SHPK: variants seen among roughly 807,000 people sequenced by gnomAD.
SHPK encodes carbohydrate kinase-like protein.
In SHPK, 51 loss-of-function variants were observed where a neutral mutation model predicts 46.3. The observed-to-expected ratio is 1.10, with a 90% CI of 0.88 to 1.39. The LOEUF (loss-of-function observed/expected upper bound fraction) is 1.39, where lower values mean the gene tolerates loss of function less well. Among genes scored for constraint, SHPK ranks in the 40% most tolerant of loss-of-function variants. SHPK has a pLI of 0.00. For synonymous variants in SHPK, 290 were observed against 273.9 expected (o/e 1.06, Z -0.58); for missense variants, 668 against 641.3 (o/e 1.04, Z -0.45).
intron 6 of SHPK, among the ~76,000 whole-genome samples, chr17:3,613,136 CTG>C (rs1323762914): frequency 3.3e-5 from 5 of 152,332 alleles, no homozygotes; most frequent in Admixed American, 6.5e-5. Flanking sequence ...CCAGAGGAAA[CTG>C]TACTCCAGGC....
chr17:3,616,216 GACTC>G (rs1177767480), intron 5 of SHPK, among the ~76,000 whole-genome samples: 1 of 152,130 alleles, frequency 6.6e-6, no homozygotes, highest in Non-Finnish European at 1.5e-5. Flanking sequence ...TGGACTTAGT[GACTC>G]ACTTCTAGTG....
rs2075324205 is a variant in SHPK, at chr17:3,609,667, G to C, written c.*893C>G. 1 of 152,370 alleles carries C rather than the reference G, an allele frequency of 6.6e-6. No individual in the cohort carries two copies. The highest frequency in any genetic ancestry group is 6.5e-5 in the Admixed American group (1 of 15,286). The allele number at this position is 152,370 out of a possible 1,614,324, so 9.4% of individuals were successfully genotyped here. Reference sequence around the variant, plus strand: ...ATAAACTACCTGCCCCATCTGGCAGGAGTCTGCCTGGCTGCATCCCTTCCC... The same window carrying C: ...ATAAACTACCTGCCCCATCTGGCAGCAGTCTGCCTGGCTGCATCCCTTCCC... On this transcript the variant is annotated 3_prime_UTR_variant, in exon 7 of 7. Coordinates refer to ENST00000225519, the MANE Select transcript of SHPK (RefSeq NM_013276.4).
At chr17:3,635,293 C>G (rs2075510125) in intron 1 of SHPK, among the ~76,000 whole-genome samples, 1 of 148,966 alleles carries the variant, frequency 6.7e-6, no homozygotes, top group Admixed American at 6.7e-5. Context: ...TGGAGTGCAA[C>G]GGAGCGATCT....
intron 5 of SHPK, among the ~76,000 whole-genome samples, chr17:3,617,967 TTGTC>T (rs2075378358): frequency 6.6e-6 from 1 of 152,236 alleles, no homozygotes; most frequent in South Asian, 2.1e-4. Flanking sequence ...AAAAAATGCT[TTGTC>T]TGCCCTATCA....
Position 3,610,486 on chromosome 17 carries a change from A to G in SHPK, c.*74T>C. 2 of 1,457,028 alleles carry G rather than the reference A, an allele frequency of 1.4e-6. No homozygotes were observed. Among genetic ancestry groups the G allele is most frequent in the Non-Finnish European group, 1.9e-6 (2 of 1,071,830 alleles). 90.3% of individuals were successfully genotyped at this position (1,457,028 alleles called of 1,614,324 possible). ...GTCCACTGAACGGTCCAGGGAAAGG[A>G]TGACCCACAGATGGTGTCAGGAATG... On this transcript the variant is annotated 3_prime_UTR_variant, in exon 7 of 7. Coordinates refer to ENST00000225519, the MANE Select transcript of SHPK (RefSeq NM_013276.4).
chr17:3,621,596 A>ATTCC (rs2075402585), intron 4 of SHPK, among the ~76,000 whole-genome samples, 184 bp from the exon 5 acceptor site: 1 of 80,122 alleles, frequency 1.2e-5, no homozygotes, highest in Non-Finnish European at 2.4e-5. Flanking sequence ...CCTTCTCTCC[A>ATTCC]TTCCTTCCCT....
At position 3,610,583 on chromosome 17, in the gene SHPK, G is replaced by T; in HGVS notation, c.1414C>A (p.His472Asn). The change falls in exon 7 of 7, where the codon CAC (histidine) becomes AAC (asparagine). Residue 472 changes from histidine (H) to asparagine (N), a missense_variant. By Grantham distance (68) the His-to-Asn change is moderately conservative. Coordinates refer to ENST00000225519, the MANE Select transcript of SHPK (RefSeq NM_013276.4). The part of the protein sequence containing the change: ...VGAALVMLRR[H>N]LNQKES ...GTCTAAGATTCCTTCTGGTTGAGGT[G>T]TCTCCGGAGCATGACCAGAGCTGCC... The T allele has an allele frequency of 6.2e-7, 1 of 1,602,522 alleles. No homozygotes were observed. The highest frequency in any genetic ancestry group is 8.5e-7 in the Non-Finnish European group (1 of 1,170,662).
intron 5 of SHPK, chr17:3,619,610 G>C (rs2150869569): frequency 2.5e-6 from 1 of 406,634 alleles, no homozygotes; most frequent in Non-Finnish European, 4.6e-6. Flanking sequence ...GTGTGCGCCT[G>C]TAGTCCCATC....
At chr17:3,620,857 C>T (rs185489058) in intron 5 of SHPK, among the ~76,000 whole-genome samples, 2 of 152,240 alleles carry the variant, frequency 1.3e-5, no homozygotes, top group African/African-American at 2.4e-5. Flanking sequence ...CCGCGCCCAG[C>T]CTATCCTGCA....
At chr17:3,626,177 T>A (rs224516) in intron 2 of SHPK, among the ~76,000 whole-genome samples, 3 of 152,230 alleles carry the variant, frequency 2.0e-5, no homozygotes, top group Non-Finnish European at 4.4e-5. Context: ...TTTTGCTCTG[T>A]AAGCTTTTGG....
At chr17:3,620,078 C>A (rs891343982) in intron 5 of SHPK, among the ~76,000 whole-genome samples, 15 of 152,172 alleles carry the variant, frequency 9.9e-5, no homozygotes, top group African/African-American at 3.6e-4. Context: ...TCGTCTATGG[C>A]TGCTTTTGAA....
At chr17:3,624,331 A>C (rs1404650175) in intron 2 of SHPK, 100 bp from the exon 3 acceptor site, 22 of 1,122,698 alleles carry the variant, frequency 2.0e-5, no homozygotes, top group Non-Finnish European at 2.5e-5. Context: ...AATATGTGCG[A>C]ATCGTCCCAT....
chr17:3,618,320 T>G (rs1007392268), intron 5 of SHPK, among the ~76,000 whole-genome samples: 2 of 152,008 alleles, frequency 1.3e-5, no homozygotes, highest in Non-Finnish European at 2.9e-5. Flanking sequence ...TTGGCCAAGC[T>G]GGTCTTGAAC....
rs575696976 is a variant in SHPK at position 3,621,181 on chromosome 17, T to C, written c.823+56A>G. The C allele has an allele frequency of 4.2e-6, 6 of 1,442,860 alleles. No individual in the cohort carries two copies. The African/African-American group carries it at 8.5e-5, about 20-fold the overall frequency. The allele number at this position is 1,442,860 out of a possible 1,614,324, so 89.4% of individuals were successfully genotyped here. On this transcript the variant is annotated intron_variant, in intron 5 of 6. Transcript: ENST00000225519. ...GCCCTGCAGACTCGCACAGAGCTGG[T>C]GCTTATGAGGCAGGCGACAGTGTAA...
intron 6 of SHPK, among the ~76,000 whole-genome samples, chr17:3,614,393 C>T (rs1030503279): frequency 5.9e-5 from 9 of 151,962 alleles, no homozygotes; most frequent in African/African-American, 1.9e-4. Flanking sequence ...GGTGTGGTGG[C>T]GGGTGCCTGT....
At chr17:3,623,070 C>G (rs1189008062) in intron 4 of SHPK, among the ~76,000 whole-genome samples, 1 of 152,208 alleles carries the variant, frequency 6.6e-6, no homozygotes, top group Non-Finnish European at 1.5e-5. Context: ...CTCATGGTCA[C>G]AGAGAAGGGA....
intron 2 of SHPK, 32 bp downstream of exon 2, chr17:3,630,172 AC>A: frequency 6.2e-7 from 1 of 1,613,308 alleles, no homozygotes; most frequent in South Asian, 1.1e-5. Context: ...AGTGACTGCT[AC>A]CAGCCTGAGA....
intron 5 of SHPK, chr17:3,619,748 A>AT: frequency 1.3e-5 from 5 of 377,526 alleles, no homozygotes; most frequent in Admixed American, 3.7e-5. Flanking sequence ...AAAAAAAAAA[A>AT]TTTGGAAGAA....
In SHPK at chr17:3,635,021, AAGT is replaced by A. The variant is rs1197503682; in HGVS notation, c.168+1028_168+1030del. On this transcript the variant is annotated intron_variant, in intron 1 of 6. Transcript: ENST00000225519. ...ACCCTGTCTCTACTAAAAATACAAA[AAGT>A]AGCCGGGCGCGGTGGCTCACACCTG... 2.0e-5 allele frequency among the ~76,000 whole-genome samples: 3 copies of A among 151,154 alleles called. No individual in the cohort carries two copies. In the East Asian group the frequency reaches 5.9e-4, roughly 30 times the overall value.
Sources: gnomAD v4.1 joint callset for allele counts (sites outside exome capture counted in the v4.1 genomes callset) on GRCh38, gnomAD v4.1.1 for gene constraint, MANE v1.5 for transcripts, NCBI Gene and HGNC (gene_info 2026-07-23, HGNC 2026-07-21) for gene names.